The following HCN1 variants were observed in gnomAD, a reference collection of about 807,000 sequenced individuals.
HCN1 encodes hyperpolarization activated cyclic nucleotide gated potassium channel 1, also known as potassium/sodium hyperpolarization-activated cyclic nucleotide-gated channel 1.
Under a neutral mutation model 78.9 loss-of-function variants are expected in HCN1, and 13 were observed. That is an observed-to-expected ratio of 0.16 (90% CI 0.11 to 0.26). The LOEUF (loss-of-function observed/expected upper bound fraction) is 0.26. HCN1 is among the 10% of genes least tolerant of loss of function. HCN1 has a pLI of 1.00. For synonymous variants in HCN1, 552 were observed against 455.5 expected, an observed-to-expected ratio of 1.21 and a Z score of -2.70; for missense variants, 810 against 1,154.3, an observed-to-expected ratio of 0.70 and a Z score of 4.32.
intron 4 of HCN1, among the ~76,000 whole-genome samples, chr5:45,357,634 G>T (rs1483293749): frequency 6.6e-6 from 1 of 151,944 alleles, no homozygotes; most frequent in Admixed American, 6.6e-5. Context: ...GTCTAAATGT[G>T]AATTCAAAAT....
chr5:45,539,961 A>ATATAT, intron 2 of HCN1, among the ~76,000 whole-genome samples: 1 of 127,640 alleles, frequency 7.8e-6, no homozygotes, highest in Admixed American at 7.9e-5. Context: ...TATATATATA[A>ATATAT]AATGTTTATC....
At chr5:45,532,305 A>G (rs1328835767) in intron 2 of HCN1, among the ~76,000 whole-genome samples, 1 of 152,242 alleles carries the variant, frequency 6.6e-6, no homozygotes, top group Admixed American at 6.5e-5. Flanking sequence ...TGAAGCTACA[A>G]TACTTTATTG....
At chr5:45,433,979 G>T (rs1217307178) in intron 3 of HCN1, among the ~76,000 whole-genome samples, 1 of 152,148 alleles carries the variant, frequency 6.6e-6, no homozygotes, top group African/African-American at 2.4e-5. Flanking sequence ...ATTTAAGGAG[G>T]AGATTAATCC....
At chr5:45,669,941 T>G (rs1455075508) in intron 1 of HCN1, among the ~76,000 whole-genome samples, 1 of 151,738 alleles carries the variant, frequency 6.6e-6, no homozygotes, top group Admixed American at 6.6e-5. Flanking sequence ...GAGTTTATGG[T>G]GTTTCCCATC....
Position 45,695,992 on chromosome 5 carries a change from C to G in HCN1, c.102G>C (p.Ala34=). 1 of 1,295,526 alleles carries G rather than the reference C, an allele frequency of 7.7e-7. No individual in the cohort carries two copies. Among genetic ancestry groups the G allele is most frequent in the Non-Finnish European group, 9.8e-7 (1 of 1,020,456 alleles). 80.3% of individuals were successfully genotyped at this position (1,295,526 alleles called of 1,614,324 possible). A position where few individuals can be genotyped will look rare whatever the true frequency, so the allele number is the denominator to read the frequency against. The change falls in exon 1 of 8, where the codon GCG becomes GCC. Residue 34 remains alanine, a synonymous_variant. Transcript: ENST00000303230. ...GCGGGGTGCCCAGGCGCTTCTCGGC[C>G]GCGGCCGGCCCCGCGCCCGTCGCGG... ...KASATGAGPA[A]AEKRLGTPPG...
intron 3 of HCN1, among the ~76,000 whole-genome samples, chr5:45,424,119 C>CAAAAAA (rs35117761): frequency 5.9e-5 from 4 of 67,964 alleles, no homozygotes; most frequent in Non-Finnish European, 6.0e-5. Context: ...ACTAAAAATC[C>CAAAAAA]AAAAAAAAAA....
intron 1 of HCN1, among the ~76,000 whole-genome samples, chr5:45,683,307 A>G (rs1330995735): frequency 1.3e-5 from 2 of 152,056 alleles, no homozygotes; most frequent in African/African-American, 4.8e-5. Flanking sequence ...TTTCTTTTAT[A>G]GATTCCAATC....
intron 6 of HCN1, among the ~76,000 whole-genome samples, chr5:45,284,070 T>G (rs998821609): frequency 6.6e-6 from 1 of 152,060 alleles, no homozygotes; most frequent in Non-Finnish European, 1.5e-5. Context: ...ATGTTATCAC[T>G]TATAAATGGA....
In HCN1 at chr5:45,490,099, A is replaced by T. The variant is rs10462089; in HGVS notation, c.850-28092T>A. On this transcript the variant is annotated intron_variant, in intron 2 of 7. Coordinates refer to ENST00000303230, the MANE Select transcript of HCN1 (RefSeq NM_021072.4). ...CGTATAGAAATTAACCAGGTGAAAC[A>T]TGTTAAAAAGAAAATTTCAAACACA... Among the ~76,000 whole-genome samples the T allele has an allele frequency of 9.8e-5, 15 of 152,328 alleles. No individual in the cohort carries two copies. The East Asian group carries it at 2.9e-3, about 29-fold the overall frequency.
At chr5:45,446,178 C>A (rs558159013) in intron 3 of HCN1, among the ~76,000 whole-genome samples, 2 of 152,114 alleles carry the variant, frequency 1.3e-5, no homozygotes, top group African/African-American at 2.4e-5. Flanking sequence ...ATAACCAATA[C>A]AGAGAAGTGC....
intron 6 of HCN1, among the ~76,000 whole-genome samples, chr5:45,299,143 G>T (rs1474753430): frequency 6.6e-6 from 1 of 152,006 alleles, no homozygotes; most frequent in Non-Finnish European, 1.5e-5. Context: ...ACTACTGAAT[G>T]TCAGGTGGTA....
In HCN1 at chr5:45,647,881, C is replaced by T. The variant is rs569359911; in HGVS notation, c.426-2273G>A. Among the ~76,000 whole-genome samples the T allele has an allele frequency of 9.2e-5, 14 of 152,324 alleles. 1 individual carries two copies. Among genetic ancestry groups the T allele is most frequent in the Admixed American group, 9.2e-4 (14 of 15,280 alleles). On this transcript the variant is annotated intron_variant, in intron 1 of 7. Coordinates refer to ENST00000303230, the MANE Select transcript of HCN1 (RefSeq NM_021072.4). ...GATCACCAAGGCTGTTTAGTTCTCA[C>T]ACCTAAATGTATGTTGTATTCATCC...
rs1035458211 is a variant in HCN1 at position 45,365,397 on chromosome 5, C to A, written c.1231-12151G>T. The stretch of plus-strand genomic sequence containing the variant: ...AAGACTATTATCTCTATCTTTATGT[C>A]CATATGTACCCATTGTTTTGCTCAC... On this transcript the variant is annotated intron_variant, in intron 4 of 7. Transcript: ENST00000303230. Among the ~76,000 whole-genome samples, 9 of 151,886 alleles carry A rather than the reference C, an allele frequency of 5.9e-5. No homozygotes were observed. In the South Asian group the frequency reaches 6.2e-4, roughly 10 times the overall value.
intron 2 of HCN1, among the ~76,000 whole-genome samples, chr5:45,522,061 T>C (rs2111780623): frequency 6.6e-6 from 1 of 152,112 alleles, no homozygotes; most frequent in South Asian, 2.1e-4. Flanking sequence ...AACTGTATGT[T>C]TCTGTTTCTT....
intron 2 of HCN1, among the ~76,000 whole-genome samples, chr5:45,497,067 A>G (rs973097982): frequency 6.6e-6 from 1 of 152,110 alleles, no homozygotes; most frequent in African/African-American, 2.4e-5. Context: ...GGTCTGAGAG[A>G]TAGTTTGTTA....
chr5:45,338,190 AT>A (rs1157605845), intron 5 of HCN1, among the ~76,000 whole-genome samples: 2 of 152,096 alleles, frequency 1.3e-5, no homozygotes, highest in African/African-American at 4.8e-5. Flanking sequence ...TTACCACTGC[AT>A]TTTACATTCT....
At chr5:45,536,441 C>T (rs535774412) in intron 2 of HCN1, among the ~76,000 whole-genome samples, 66 of 152,234 alleles carry the variant, frequency 4.3e-4, no homozygotes, top group Middle Eastern at 6.8e-3. Context: ...TTCCTGTCAC[C>T]GCCAATCTTC....
At chr5:45,294,156 T>A (rs1745437250) in intron 6 of HCN1, among the ~76,000 whole-genome samples, 1 of 151,962 alleles carries the variant, frequency 6.6e-6, no homozygotes, top group African/African-American at 2.4e-5. Flanking sequence ...TAGAGTAAAT[T>A]GCCAACTGCA....
At chr5:45,350,459 T>A (rs1255865759) in intron 5 of HCN1, among the ~76,000 whole-genome samples, 2 of 152,088 alleles carry the variant, frequency 1.3e-5, no homozygotes, top group Non-Finnish European at 2.9e-5. Flanking sequence ...CTTTGAAAAC[T>A]GCCACAAGAC....
Sources: allele counts gnomAD v4.1 joint callset (sites outside exome capture counted in the v4.1 genomes callset), GRCh38; gene constraint gnomAD v4.1.1; transcripts MANE v1.5; gene names NCBI Gene and HGNC (gene_info 2026-07-23, HGNC 2026-07-21).